MICALL2: variants seen among roughly 807,000 people sequenced by gnomAD.
The protein encoded by MICALL2 is MICAL-like protein 2.
MICALL2 carries 111 observed loss-of-function variants against 91.1 expected under a neutral mutation model. That is an observed-to-expected ratio of 1.22 (90% CI 1.04 to 1.43). MICALL2 has a LOEUF of 1.43. Ranked by LOEUF, MICALL2 falls within the 40% of genes most tolerant of loss-of-function variation. The pLI is 0.00. For missense variants in MICALL2, 1,556 were observed against 1,236.0 expected (o/e 1.26, Z -3.88); for synonymous variants, 694 against 525.3 (o/e 1.32, Z -4.39).
At position 1,452,723 on chromosome 7, in the gene MICALL2, C is replaced by T. The variant is rs1363612366; in HGVS notation, c.144-2435G>A. The stretch of plus-strand genomic sequence containing the variant: ...TCCAGGCAGATCAGAGCACCCCAGG[C>T]CCTCTGGACACACCAGAGCCAGTGC... On this transcript the variant is annotated intron_variant, in intron 1 of 16. Coordinates refer to ENST00000297508, the MANE Select transcript of MICALL2 (RefSeq NM_182924.4). This position sits in a 1 kb window ranked among gnomAD's most constrained non-coding sequence, Gnocchi z 6.2. Among the ~76,000 whole-genome samples, 1 of 152,200 alleles carries T rather than the reference C, an allele frequency of 6.6e-6. No homozygotes were observed. Among genetic ancestry groups the T allele is most frequent in the African/African-American group, 2.4e-5 (1 of 41,464 alleles).
intron 9 of MICALL2, chr7:1,439,219 G>T (rs892650135): frequency 1.5e-5 from 8 of 533,392 alleles, no homozygotes; most frequent in Non-Finnish European, 2.7e-5. Flanking sequence ...GCTGCTCAAG[G>T]TCACACAGGA....
Position 1,440,670 on chromosome 7 carries a change from G to A in MICALL2, c.1726C>T (p.Leu576Phe). 1.2e-6 allele frequency: 2 copies of A among 1,612,094 alleles called. No individual in the cohort carries two copies. The highest frequency in any genetic ancestry group is 2.2e-5 in the South Asian group (2 of 91,080). Residue 576 changes from leucine to phenylalanine, a missense_variant, in exon 8 of 17, where the codon CTC becomes TTC. By Grantham distance (22) the Leu-to-Phe change is conservative (BLOSUM62 0). Coordinates refer to ENST00000297508, the MANE Select transcript of MICALL2 (RefSeq NM_182924.4). ...GGCCCGTCCTCCTGGCCTTCCTGGAGGCTGGTGCTCATGTCTGGGTGGGAG... is the reference window on the plus strand; with the variant it reads ...GGCCCGTCCTCCTGGCCTTCCTGGAAGCTGGTGCTCATGTCTGGGTGGGAG... ...TTLTQDMSTS[L>F]QEGQEDGPAG...
intron 1 of MICALL2, among the ~76,000 whole-genome samples, chr7:1,458,965 C>CGGCG (rs1781114873): frequency 6.6e-6 from 1 of 152,214 alleles, no homozygotes. Context: ...CTGACTCAGC[C>CGGCG]GGCGGGCGGG....
chr7:1,435,498 G>A (rs1779925259), intron 15 of MICALL2, among the ~76,000 whole-genome samples: 1 of 151,702 alleles, frequency 6.6e-6, no homozygotes, highest in Non-Finnish European at 1.5e-5. Flanking sequence ...GGGACAGGAG[G>A]GCCTGGGCCG....
rs185776648 is a variant in MICALL2, at chr7:1,454,495, C to T, written c.144-4207G>A. Among the ~76,000 whole-genome samples the T allele has an allele frequency of 9.2e-4, 140 of 152,234 alleles. 3 individuals carry two copies. The East Asian group carries it at 0.023, about 25-fold the overall frequency. ...GCGGTGACGACTGGGGAGGGGAGGC[C>T]GCAGAGCCCCCACCTTGCACACTGG... On this transcript the variant is annotated intron_variant, in intron 1 of 16. Coordinates refer to ENST00000297508, the MANE Select transcript of MICALL2 (RefSeq NM_182924.4).
chr7:1,436,551 CAAAAAAA>C (rs59955608), intron 15 of MICALL2, among the ~76,000 whole-genome samples, 184 bp downstream of exon 15: 1 of 74,486 alleles, frequency 1.3e-5, no homozygotes, highest in Non-Finnish European at 2.7e-5. Context: ...GACTCTGTCT[CAAAAAAA>C]AAAAAAAAAA....
At chr7:1,434,804 G>A (rs1779885451) in intron 16 of MICALL2, 132 bp from the exon 17 acceptor site, 2 of 999,762 alleles carry the variant, frequency 2.0e-6, no homozygotes, top group Non-Finnish European at 2.9e-6. Flanking sequence ...CGAGCCTGCA[G>A]GAAGCCCTGT....
intron 15 of MICALL2, among the ~76,000 whole-genome samples, chr7:1,436,292 G>C (rs1181011857): frequency 6.6e-6 from 1 of 151,876 alleles, no homozygotes; most frequent in Non-Finnish European, 1.5e-5. Flanking sequence ...TGAGGCAGGA[G>C]AATCGCTTGA....
intron 9 of MICALL2, chr7:1,439,358 CATGAA>C: frequency 8.0e-6 from 2 of 251,126 alleles, no homozygotes; most frequent in South Asian, 9.1e-5. Context: ...GCATCACATT[CATGAA>C]ACAGATCCAC....
chr7:1,445,112 C>A lies in MICALL2; in HGVS notation c.958G>T (p.Ala320Ser). The A allele has an allele frequency of 1.3e-6, 2 of 1,555,876 alleles. No homozygotes were observed. Among genetic ancestry groups the A allele is most frequent in the Non-Finnish European group, 1.7e-6 (2 of 1,150,714 alleles). The change falls in exon 6 of 17, where the codon GCC becomes TCC. Residue 320 changes from alanine (A) to serine (S), a missense_variant. Physicochemically the swap from Ala to Ser is moderately conservative, Grantham distance 99 (BLOSUM62 1). Coordinates refer to ENST00000297508, the MANE Select transcript of MICALL2 (RefSeq NM_182924.4). ...GCCAGGCGGCTCTCAGAGGGCCTGGCTGGGCTCCTCACGTGGACGGACGTG... is the reference window on the plus strand; with the variant it reads ...GCCAGGCGGCTCTCAGAGGGCCTGGATGGGCTCCTCACGTGGACGGACGTG... The part of the protein sequence containing the change: ...SATSVHVRSP[A>S]RPSESRLAPT...
intron 1 of MICALL2, among the ~76,000 whole-genome samples, chr7:1,457,721 G>A (rs552495459): frequency 1.3e-5 from 2 of 152,336 alleles, no homozygotes; most frequent in East Asian, 1.9e-4. Context: ...CCAAATCTCC[G>A]GCGACACCAG....
chr7:1,450,111 C>G, intron 2 of MICALL2, 129 bp downstream of exon 2: 1 of 724,754 alleles, frequency 1.4e-6, no homozygotes, highest in Admixed American at 2.2e-5. Flanking sequence ...GGTCAGGGAG[C>G]CCCCGATTCC....
Position 1,444,701 on chromosome 7 carries a change from T to G in MICALL2, c.1369A>C (p.Lys457Gln). The G allele has an allele frequency of 1.2e-6, 2 of 1,612,220 alleles. No individual in the cohort carries two copies. Among genetic ancestry groups the G allele is most frequent in the Non-Finnish European group, 8.5e-7 (1 of 1,179,808 alleles). ...SSKEQARNFL[K>Q]QALSALEEAG... The stretch of plus-strand genomic sequence containing the variant: ...TCTTCCAGCGCTGAGAGGGCCTGCT[T>G]GAGGAAGTTCCGCGCCTGCTCCTTG... Residue 457 changes from lysine to glutamine, a missense_variant, in exon 6 of 17, where the codon AAG becomes CAG. By Grantham distance (53) the Lys-to-Gln change is moderately conservative. Coordinates refer to ENST00000297508, the MANE Select transcript of MICALL2 (RefSeq NM_182924.4).
Position 1,434,644 on chromosome 7 carries a change from G to C in MICALL2, c.2667C>G (p.Arg889=), listed in dbSNP as rs745718970. 14 of 1,573,048 alleles carry C rather than the reference G, an allele frequency of 8.9e-6. No individual in the cohort carries two copies. In the Admixed American group the frequency reaches 1.6e-4, roughly 18 times the overall value. Residue 889 remains arginine (R), a synonymous_variant, in exon 17 of 17, where the codon CGC becomes CGG. Transcript: ENST00000297508. The part of the protein sequence containing the change: ...LGLQRKKSKF[R]LSKIWSPKSK... Reference sequence around the variant, plus strand: ...TTTTTGGTGACCAGATCTTGGACAAGCGGAACTTGGACTTCTTCCTCTGGA... The same window carrying C: ...TTTTTGGTGACCAGATCTTGGACAACCGGAACTTGGACTTCTTCCTCTGGA...
intron 14 of MICALL2, chr7:1,437,293 G>A (rs1359032078): frequency 6.0e-6 from 3 of 501,766 alleles, no homozygotes; most frequent in Admixed American, 4.0e-5. Context: ...TGCGTGAGGT[G>A]GGTGCTACAA....
Position 1,459,272 on chromosome 7 carries a change from G to A in MICALL2, c.55C>T (p.Arg19Cys), listed in dbSNP as rs1483640165. Residue 19 changes from arginine to cysteine, a missense_variant, in exon 1 of 17, where the codon CGC (arginine) becomes TGC (cysteine). Physicochemically the swap from Arg to Cys is radical, Grantham distance 180. Coordinates refer to ENST00000297508, the MANE Select transcript of MICALL2 (RefSeq NM_182924.4). ...QWCRQQCEGY[R>C]DVNICNMTTS... ...GTCATGTTGCAGATATTCACGTCGC[G>A]GTAGCCCTCGCACTGCTGCCGGCAC... 5 of 1,608,708 alleles carry A rather than the reference G, an allele frequency of 3.1e-6. No individual in the cohort carries two copies. The African/African-American group carries it at 4.0e-5, about 13-fold the overall frequency.
chr7:1,454,786 G>A (rs756961263), intron 1 of MICALL2, among the ~76,000 whole-genome samples: 15 of 152,104 alleles, frequency 9.9e-5, no homozygotes, highest in South Asian at 2.1e-4. Flanking sequence ...GGGCCTCTGC[G>A]TGAGTCTCTC....
chr7:1,448,938 G>A (rs570119102), intron 2 of MICALL2, among the ~76,000 whole-genome samples, 177 bp from the exon 3 acceptor site: 6 of 152,364 alleles, frequency 3.9e-5, no homozygotes, highest in East Asian at 1.9e-4. Context: ...TCATTGCAGC[G>A]GGGATCACGG....
At chr7:1,434,794 C>A in intron 16 of MICALL2, 122 bp from the exon 17 acceptor site, 2 of 1,081,298 alleles carry the variant, frequency 1.8e-6, no homozygotes, top group African/African-American at 1.6e-5. Context: ...CCTGGGCCTC[C>A]GAGCCTGCAG....
Sources: allele counts gnomAD v4.1 joint callset (sites outside exome capture counted in the v4.1 genomes callset), GRCh38; gene constraint gnomAD v4.1.1; non-coding constraint Gnocchi (gnomAD v3.1); transcripts MANE v1.5; gene names NCBI Gene and HGNC (gene_info 2026-07-23, HGNC 2026-07-21).